Variants in PCOLCE2 observed in about 807,000 individuals in gnomAD.
PCOLCE2 encodes the protein procollagen C-proteinase enhancer 2.
Under a neutral mutation model 47.0 loss-of-function variants are expected in PCOLCE2, and 42 were observed. That is an observed-to-expected ratio of 0.89 (90% confidence interval 0.70 to 1.16). The LOEUF is 1.16. PCOLCE2 is among the 50% of genes most tolerant of loss of function. The pLI is 0.00. For synonymous variants in PCOLCE2, 169 were observed against 191.7 expected, an observed-to-expected ratio of 0.88 and a Z score of 0.98; for missense variants, 500 against 526.1, an observed-to-expected ratio of 0.95 and a Z score of 0.49.
intron 2 of PCOLCE2, among the ~76,000 whole-genome samples, chr3:142,850,343 T>C (rs920025856): frequency 6.6e-6 from 1 of 152,228 alleles, no homozygotes; most frequent in East Asian, 1.9e-4. Flanking sequence ...GAATAGTGAC[T>C]ATTTGTATAA....
At chr3:142,825,801 C>T (rs958445792) in intron 6 of PCOLCE2, among the ~76,000 whole-genome samples, 2 of 152,112 alleles carry the variant, frequency 1.3e-5, no homozygotes, top group African/African-American at 4.8e-5. Flanking sequence ...TCCCCTCTGC[C>T]CTTCAGCCCT....
At chr3:142,844,061 TG>T in intron 3 of PCOLCE2, among the ~76,000 whole-genome samples, 1 of 152,182 alleles carries the variant, frequency 6.6e-6, no homozygotes, top group Non-Finnish European at 1.5e-5. Flanking sequence ...CCTGCTTCAT[TG>T]TTTTTATTAT....
At chr3:142,888,769 G>A (rs771213034) in intron 1 of PCOLCE2, 45 bp downstream of exon 1, 169 of 1,184,572 alleles carry the variant, frequency 1.4e-4, no homozygotes, top group Middle Eastern at 4.2e-4. Context: ...CAGGGGTGGA[G>A]GAAGGGAAAG....
At chr3:142,853,010 G>A (rs1262997244) in intron 2 of PCOLCE2, among the ~76,000 whole-genome samples, 16 of 150,992 alleles carry the variant, frequency 1.1e-4, no homozygotes, top group African/African-American at 3.7e-4. Context: ...GGAGGCTGAC[G>A]TGTGAGGATT....
chr3:142,886,345 G>A lies in PCOLCE2; in HGVS notation c.192+1324C>T, dbSNP rs369831293. On this transcript the variant is annotated intron_variant, in intron 2 of 8. Coordinates refer to ENST00000295992, the MANE Select transcript of PCOLCE2 (RefSeq NM_013363.4). ...TCTGAGCCATTGATTTTCTAGGGTCGTTTAAAACTTATGGCCATTTAATTA... is the reference window on the plus strand; with the variant it reads ...TCTGAGCCATTGATTTTCTAGGGTCATTTAAAACTTATGGCCATTTAATTA... Among the ~76,000 whole-genome samples the A allele has an allele frequency of 2.3e-4, 35 of 152,122 alleles. No homozygotes were observed. The South Asian group carries it at 6.4e-3, about 28-fold the overall frequency.
At chr3:142,856,740 C>T (rs146638837) in intron 2 of PCOLCE2, among the ~76,000 whole-genome samples, 2 of 152,338 alleles carry the variant, frequency 1.3e-5, no homozygotes, top group African/African-American at 4.8e-5. Flanking sequence ...TTTTCACAGA[C>T]ATTTGTCTTG....
intron 2 of PCOLCE2, among the ~76,000 whole-genome samples, chr3:142,884,629 G>A (rs746334235): frequency 6.6e-5 from 10 of 152,198 alleles, no homozygotes; most frequent in Non-Finnish European, 1.3e-4. Flanking sequence ...CCTAAGACCT[G>A]TTAAGGCCAT....
In PCOLCE2 at chr3:142,874,169, G is replaced by A. The variant is rs141189591; in HGVS notation, c.192+13500C>T. 3.6e-3 allele frequency among the ~76,000 whole-genome samples: 554 copies of A among 152,262 alleles called. 2 individuals are homozygous for A. Among genetic ancestry groups the A allele is most frequent in the African/African-American group, 0.013 (521 of 41,544 alleles). ...TGGCTCACTGCAACCTCCACCTCCC[G>A]GGTTCAAGCAATTCTCCTGCCTCAG... On this transcript the variant is annotated intron_variant, in intron 2 of 8. Transcript: ENST00000295992.
intron 2 of PCOLCE2, among the ~76,000 whole-genome samples, chr3:142,851,829 G>A (rs1242635267): frequency 6.6e-6 from 1 of 152,118 alleles, no homozygotes; most frequent in African/African-American, 2.4e-5. Context: ...TCATTGGCAG[G>A]TTCTTGGTTC....
At chr3:142,844,532 C>T (rs201751548) in intron 3 of PCOLCE2, among the ~76,000 whole-genome samples, 14 of 152,198 alleles carry the variant, frequency 9.2e-5, no homozygotes, top group African/African-American at 3.4e-4. Context: ...ATGAACACTT[C>T]GGTTGCTTTA....
intron 3 of PCOLCE2, among the ~76,000 whole-genome samples, chr3:142,846,374 A>T (rs1937328695): frequency 6.6e-6 from 1 of 151,826 alleles, no homozygotes; most frequent in Admixed American, 6.6e-5. Context: ...ATTTTTTTGT[A>T]TTTTTAGCAG....
At chr3:142,880,059 A>T (rs1418523808) in intron 2 of PCOLCE2, among the ~76,000 whole-genome samples, 1 of 151,296 alleles carries the variant, frequency 6.6e-6, no homozygotes, top group Non-Finnish European at 1.5e-5. Context: ...CCCCAAAAAA[A>T]ACCAAGCTAT....
chr3:142,838,306 C>T (rs1364908145), intron 5 of PCOLCE2, among the ~76,000 whole-genome samples: 1 of 152,070 alleles, frequency 6.6e-6, no homozygotes, highest in African/African-American at 2.4e-5. Flanking sequence ...AATATAATCC[C>T]CAATGTTGAG....
At position 142,854,278 on chromosome 3, in the gene PCOLCE2, C is replaced by T. The variant is rs369905109; in HGVS notation, c.193-5806G>A. On this transcript the variant is annotated intron_variant, in intron 2 of 8. Coordinates refer to ENST00000295992, the MANE Select transcript of PCOLCE2 (RefSeq NM_013363.4). ...TCTTCCACAAACAAACCTTTGGGAA[C>T]GTGCATTCTAAAATGCAGACCACAG... 2.1e-4 allele frequency among the ~76,000 whole-genome samples: 32 copies of T among 152,246 alleles called. No homozygotes were observed. In the South Asian group the frequency reaches 3.7e-3, roughly 18 times the overall value.
intron 2 of PCOLCE2, among the ~76,000 whole-genome samples, chr3:142,852,647 ATGTGTG>A (rs35154183): frequency 3.0e-4 from 44 of 144,778 alleles, no homozygotes; most frequent in African/African-American, 6.1e-4. Context: ...GCTGATCAAA[ATGTGTG>A]TGTGTGTGTG....
intron 2 of PCOLCE2, among the ~76,000 whole-genome samples, chr3:142,869,785 C>T (rs559337390): frequency 9.9e-5 from 15 of 152,272 alleles, no homozygotes; most frequent in African/African-American, 3.4e-4. Flanking sequence ...CTTTCTGGAC[C>T]GAACCAATGT....
intron 5 of PCOLCE2, among the ~76,000 whole-genome samples, chr3:142,835,004 C>T (rs535372427): frequency 5.4e-4 from 82 of 151,816 alleles, no homozygotes; most frequent in African/African-American, 2.0e-3. Context: ...CTTTTTCTTT[C>T]TCCTGTGTCC....
chr3:142,888,882 G>C lies in PCOLCE2; in HGVS notation c.15C>G (p.Asn5Lys). 1 of 1,523,144 alleles carries C rather than the reference G, an allele frequency of 6.6e-7. No homozygotes were observed. The highest frequency in any genetic ancestry group is 8.8e-7 in the Non-Finnish European group (1 of 1,138,574). 94.4% of individuals were successfully genotyped at this position (1,523,144 alleles called of 1,614,324 possible). The change falls in exon 1 of 9, where the codon AAC (asparagine) becomes AAG (lysine). Residue 5 changes from asparagine (N) to lysine (K), a missense_variant. Coordinates refer to ENST00000295992, the MANE Select transcript of PCOLCE2 (RefSeq NM_013363.4). ...GCAGCAGGCAGAGTGGCGCCCAGGC[G>C]TTCGCGCCCCTCATGGCAGCGTAGA... MRGA[N>K]AWAPLCLLLA...
chr3:142,859,829 T>C (rs1933145391), intron 2 of PCOLCE2, among the ~76,000 whole-genome samples: 1 of 152,224 alleles, frequency 6.6e-6, no homozygotes, highest in African/African-American at 2.4e-5. Context: ...ATTACAGGCA[T>C]GAGCCACTGC....
Sources: allele counts gnomAD v4.1 joint callset (sites outside exome capture counted in the v4.1 genomes callset), GRCh38; gene constraint gnomAD v4.1.1; transcripts MANE v1.5; gene names NCBI Gene and HGNC (gene_info 2026-07-23, HGNC 2026-07-21).